KCNQ4: variants seen among roughly 807,000 people sequenced by gnomAD.
KCNQ4 encodes potassium voltage-gated channel subfamily Q member 4.
KCNQ4 carries 31 observed loss-of-function variants against 72.6 expected under a neutral mutation model. The ratio of observed to expected loss-of-function variants is 0.43; its 90% confidence interval spans 0.32 to 0.58. KCNQ4 has a LOEUF of 0.58. KCNQ4 is among the 20% of genes least tolerant of loss of function. KCNQ4 has a pLI of 0.08. For missense variants in KCNQ4, 869 were observed against 962.6 expected (o/e 0.90, Z 1.29); for synonymous variants, 405 against 403.7 (o/e 1.00, Z -0.04).
rs1570834194 is a variant in KCNQ4, at chr1:40,821,209, C to T, written c.1041+949C>T. On this transcript the variant is annotated intron_variant, in intron 7 of 13. Transcript: ENST00000347132. ...TGGCACTGTCCATGCCAAGAGACAGCTAGTATTGTGGTGCCCATAATTAAT... is the reference window on the plus strand; with the variant it reads ...TGGCACTGTCCATGCCAAGAGACAGTTAGTATTGTGGTGCCCATAATTAAT... Among the ~76,000 whole-genome samples, 5 of 152,306 alleles carry T rather than the reference C, an allele frequency of 3.3e-5. No individual in the cohort carries two copies. In the South Asian group the frequency reaches 1.0e-3, roughly 32 times the overall value.
chr1:40,818,047 AGGG>A (rs1040277826), intron 2 of KCNQ4, 114 bp from the exon 3 acceptor site: 23 of 1,356,042 alleles, frequency 1.7e-5, no homozygotes, highest in Non-Finnish European at 2.2e-5. Context: ...ACTCCAGGAG[AGGG>A]GTCCGAGGAG....
chr1:40,824,269 C>A lies in KCNQ4; in HGVS notation c.1292+11C>A. ...CTGCCCTGGGGAAAGGTAGGGGCCC[C>A]GTGGGGCTGCCACCTCCTCTTGCTT... On this transcript the variant is annotated intron_variant, in intron 9 of 13. Transcript: ENST00000347132. 1.2e-6 allele frequency: 2 copies of A among 1,603,758 alleles called. No individual in the cohort carries two copies. Among genetic ancestry groups the A allele is most frequent in the East Asian group, 2.3e-5 (1 of 44,384 alleles).
chr1:40,787,974 T>C (rs1179817056), intron 1 of KCNQ4, among the ~76,000 whole-genome samples: 1 of 152,122 alleles, frequency 6.6e-6, no homozygotes, highest in East Asian at 1.9e-4. Context: ...CAGCAGACTT[T>C]CTCTATGTGA....
In KCNQ4 at chr1:40,819,882, T is replaced by C. The variant is rs80358278; in HGVS notation, c.842T>C (p.Leu281Ser). 1.2e-6 allele frequency: 2 copies of C among 1,613,592 alleles called. No homozygotes were observed. The highest frequency in any genetic ancestry group is 1.7e-6 in the Non-Finnish European group (2 of 1,179,462). ...ADSLWWGTITLTTIGYGDKTP... is the reference protein window; with the variant it reads ...ADSLWWGTITSTTIGYGDKTP... ...ACCTGTTTGTGTCTCCAGATTACAT[T>C]GACAACCATCGGCTATGGTGACAAG... Residue 281 changes from leucine (L) to serine (S), a missense_variant, in exon 6 of 14, where the codon TTG (leucine) becomes TCG (serine). Physicochemically the swap from Leu to Ser is moderately radical, Grantham distance 145. Coordinates refer to ENST00000347132, the MANE Select transcript of KCNQ4 (RefSeq NM_004700.4).
intron 9 of KCNQ4, among the ~76,000 whole-genome samples, chr1:40,829,768 G>A (rs1648582679): frequency 6.6e-6 from 1 of 152,176 alleles, no homozygotes; most frequent in Non-Finnish European, 1.5e-5. Context: ...TTTGGGGTGG[G>A]TCCCCCTGAA....
chr1:40,810,518 G>T (rs992154621), intron 1 of KCNQ4, among the ~76,000 whole-genome samples: 2 of 152,116 alleles, frequency 1.3e-5, no homozygotes, highest in Non-Finnish European at 2.9e-5. Flanking sequence ...GCCCAGAGAG[G>T]TCAGGTGACA....
chr1:40,821,906 A>T (rs938846113), intron 7 of KCNQ4, among the ~76,000 whole-genome samples: 1 of 152,200 alleles, frequency 6.6e-6, no homozygotes, highest in African/African-American at 2.4e-5. Context: ...TTTAATATAC[A>T]ACTGTTCATT....
intron 1 of KCNQ4, among the ~76,000 whole-genome samples, chr1:40,802,505 C>G (rs562865462): frequency 3.7e-4 from 57 of 152,104 alleles, no homozygotes; most frequent in African/African-American, 1.1e-3. Flanking sequence ...CCCAGGGACG[C>G]AAGAGCCCCG....
chr1:40,803,649 C>T (rs538640297), intron 1 of KCNQ4, among the ~76,000 whole-genome samples: 1 of 152,356 alleles, frequency 6.6e-6, no homozygotes, highest in East Asian at 1.9e-4. Flanking sequence ...AGCTGCGCTC[C>T]TGGCCTCGAG....
At chr1:40,796,347 G>A (rs891666714) in intron 1 of KCNQ4, among the ~76,000 whole-genome samples, 111 of 152,260 alleles carry the variant, frequency 7.3e-4, no homozygotes, top group African/African-American at 2.4e-3. Context: ...AGTGCTTACC[G>A]TGGACCAGAT....
rs1374755627 is a variant in KCNQ4 at position 40,837,709 on chromosome 1, G to T, written c.1790G>T (p.Arg597Leu). Residue 597 changes from arginine to leucine, a missense_variant, in exon 13 of 14, where the codon CGG becomes CTG. Physicochemically the swap from Arg to Leu is moderately radical, Grantham distance 102 (BLOSUM62 -2). Transcript: ENST00000347132. ...CGGGGGCCCGGGGACAGGAAGGCCC[G>T]GGAGAAGGGCGACAAGGGGCCCTCC... is the stretch of plus-strand genomic sequence containing the variant. ...VGRGPGDRKA[R>L]EKGDKGPSDA... 2.5e-6 allele frequency: 4 copies of T among 1,613,416 alleles called. No individual in the cohort carries two copies. Among genetic ancestry groups the T allele is most frequent in the Non-Finnish European group, 3.4e-6 (4 of 1,179,810 alleles).
chr1:40,818,657 T>C lies in KCNQ4; in HGVS notation c.685T>C (p.Ser229Pro). ...RRGGTWKLLG[S>P]VVYAHSKELI... ...CGGCGGCACCTGGAAGCTGCTGGGC[T>C]CAGTGGTCTACGCGCATAGCAAGGT... Residue 229 changes from serine (S) to proline (P), a missense_variant, in exon 4 of 14, where the codon TCA becomes CCA. Physicochemically the swap from Ser to Pro is moderately conservative, Grantham distance 74. Coordinates refer to ENST00000347132, the MANE Select transcript of KCNQ4 (RefSeq NM_004700.4). The C allele has an allele frequency of 6.2e-7, 1 of 1,605,194 alleles. No homozygotes were observed. Among genetic ancestry groups the C allele is most frequent in the Non-Finnish European group, 8.5e-7 (1 of 1,178,876 alleles).
chr1:40,783,920 C>T lies in KCNQ4; in HGVS notation c.-174C>T, dbSNP rs1274116798. 1 of 149,060 alleles carries T rather than the reference C, an allele frequency of 6.7e-6. No individual in the cohort carries two copies. Among genetic ancestry groups the T allele is most frequent in the African/African-American group, 2.5e-5 (1 of 40,704 alleles). 9.2% of individuals were successfully genotyped at this position (149,060 alleles called of 1,614,324 possible). A position where few individuals can be genotyped will look rare whatever the true frequency, so the allele number is the denominator to read the frequency against. On this transcript the variant is annotated 5_prime_UTR_variant, in exon 1 of 14. Transcript: ENST00000347132. The surrounding 1 kb of genome is among the most constrained non-coding windows in gnomAD (Gnocchi z 4.4). ...AGGTCAGTGCGGGCTCCGGCGGCCC[C>T]CAGGCTCCGAGCGCCCGCCCGCGGC...
rs1416081719 is a variant in KCNQ4, at chr1:40,794,824, G to A, written c.314+10417G>A. On this transcript the variant is annotated intron_variant, in intron 1 of 13. Coordinates refer to ENST00000347132, the MANE Select transcript of KCNQ4 (RefSeq NM_004700.4). This position sits in a 1 kb window ranked among gnomAD's most constrained non-coding sequence, Gnocchi z 4.2. ...GTGCGTGAAATCCCTGAGTCTGGGCGCCATCCCGGCTCCTCCCCACTGAGC... is the reference window on the plus strand; with the variant it reads ...GTGCGTGAAATCCCTGAGTCTGGGCACCATCCCGGCTCCTCCCCACTGAGC... 6.6e-6 allele frequency among the ~76,000 whole-genome samples: 1 copy of A among 152,160 alleles called. No individual in the cohort carries two copies. The highest frequency in any genetic ancestry group is 1.5e-5 in the Non-Finnish European group (1 of 68,032).
rs1558012434 is a variant in KCNQ4, at chr1:40,818,198, A to C, written c.440A>C (p.Tyr147Ser). 1 of 1,614,038 alleles carries C rather than the reference A, an allele frequency of 6.2e-7. No individual in the cohort carries two copies. The highest frequency in any genetic ancestry group is 1.6e-4 in the Middle Eastern group (1 of 6,062). The change falls in exon 3 of 14, where the codon TAC becomes TCC. Residue 147 changes from tyrosine to serine, a missense_variant. Physicochemically the swap from Tyr to Ser is moderately radical, Grantham distance 144 (BLOSUM62 -2). This residue lies in a region of KCNQ4 where 179 missense variants were observed against 243.0 expected (regional missense o/e 0.74). Transcript: ENST00000347132. Reference protein sequence around the residue: ...FVMIVVFGLEYIVRVWSAGCC... With the variant: ...FVMIVVFGLESIVRVWSAGCC... ...ATGATCGTGGTTTTCGGCTTGGAGT[A>C]CATCGTCCGGGTCTGGTCCGCCGGA...
chr1:40,796,847 G>A (rs988589446), intron 1 of KCNQ4, among the ~76,000 whole-genome samples: 4 of 152,126 alleles, frequency 2.6e-5, no homozygotes, highest in Non-Finnish European at 5.9e-5. Flanking sequence ...AAACCCGGGA[G>A]GTAGAGGTTG....
chr1:40,818,042 A>G (rs1210303514), intron 2 of KCNQ4, 122 bp from the exon 3 acceptor site: 8 of 1,322,992 alleles, frequency 6.0e-6, no homozygotes, highest in Non-Finnish European at 8.6e-6. Flanking sequence ...AGGAAACTCC[A>G]GGAGAGGGGT....
chr1:40,822,598 G>A (rs1412721319), intron 8 of KCNQ4, among the ~76,000 whole-genome samples, 196 bp downstream of exon 8: 3 of 152,160 alleles, frequency 2.0e-5, no homozygotes, highest in African/African-American at 7.2e-5. Context: ...CCAGGGAAGA[G>A]GTGGATACTG....
At chr1:40,791,615 C>A (rs984842001) in intron 1 of KCNQ4, among the ~76,000 whole-genome samples, 3 of 152,126 alleles carry the variant, frequency 2.0e-5, no homozygotes, top group Non-Finnish European at 4.4e-5. Context: ...GGAAGGGAGG[C>A]AACAGGAGCT....
Sources: gnomAD v4.1 joint callset for allele counts (sites outside exome capture counted in the v4.1 genomes callset) on GRCh38, gnomAD v4.1.1 for gene constraint, gnomAD v4.1.1 regional missense constraint, Gnocchi (gnomAD v3.1) non-coding constraint, MANE v1.5 for transcripts, NCBI Gene and HGNC (gene_info 2026-07-23, HGNC 2026-07-21) for gene names.